Variants in CCDC102B observed in about 807,000 individuals in gnomAD.
The protein encoded by CCDC102B is coiled-coil domain containing 102B.
CCDC102B carries 75 observed loss-of-function variants against 57.4 expected under a neutral mutation model. The ratio of observed to expected loss-of-function variants is 1.31; its 90% CI spans 1.08 to 1.58. The LOEUF is 1.58. CCDC102B is among the 40% of genes most tolerant of loss of function. The probability of loss-of-function intolerance (pLI) is 0.00; values close to 1 mark genes in which losing one functional copy is unlikely to be tolerated. For missense variants in CCDC102B, 636 were observed against 582.6 expected (o/e 1.09, Z -0.94); for synonymous variants, 206 against 201.9 (o/e 1.02, Z -0.17).
At chr18:68,843,435 A>T (rs2144808099) in intron 3 of CCDC102B, among the ~76,000 whole-genome samples, 1 of 152,220 alleles carries the variant, frequency 6.6e-6, no homozygotes. Context: ...CATCTATGAG[A>T]AATATTTGAG....
At chr18:68,792,874 C>A (rs943116257) in intron 2 of CCDC102B, among the ~76,000 whole-genome samples, 17 of 152,134 alleles carry the variant, frequency 1.1e-4, no homozygotes, top group Non-Finnish European at 2.1e-4. Flanking sequence ...TAGACATTTT[C>A]ATAAAAGTGC....
chr18:68,789,180 C>G (rs571044575), intron 2 of CCDC102B, among the ~76,000 whole-genome samples: 117 of 152,168 alleles, frequency 7.7e-4, no homozygotes, highest in African/African-American at 2.7e-3. Context: ...TGGCTTGTAG[C>G]GTTTCTGCCG....
intron 2 of CCDC102B, among the ~76,000 whole-genome samples, chr18:68,790,834 C>T (rs887814165): frequency 6.6e-6 from 1 of 152,228 alleles, no homozygotes; most frequent in African/African-American, 2.4e-5. Context: ...TGTTCCTATT[C>T]AGCCATCTTG....
intron 6 of CCDC102B, among the ~76,000 whole-genome samples, chr18:69,003,464 G>A (rs1379173844): frequency 6.6e-6 from 1 of 152,106 alleles, no homozygotes; most frequent in East Asian, 1.9e-4. Flanking sequence ...AAATTTGGGA[G>A]ATATTTTGTG....
At chr18:68,719,352 C>A (rs145693798) in intron 2 of CCDC102B, among the ~76,000 whole-genome samples, 1 of 152,248 alleles carries the variant, frequency 6.6e-6, no homozygotes, top group Non-Finnish European at 1.5e-5. Context: ...GCTGGAGAAC[C>A]AGAAAGCCAC....
At chr18:68,750,517 C>T (rs1023981447) in intron 2 of CCDC102B, among the ~76,000 whole-genome samples, 3 of 152,060 alleles carry the variant, frequency 2.0e-5, no homozygotes, top group Non-Finnish European at 4.4e-5. Flanking sequence ...TATTGTGGCA[C>T]TATTCACAAT....
At chr18:69,038,955 C>T (rs185904895) in intron 7 of CCDC102B, among the ~76,000 whole-genome samples, 228 of 151,990 alleles carry the variant, frequency 1.5e-3, no homozygotes, top group African/African-American at 5.2e-3. Context: ...TTATTAAATA[C>T]TAATCTTTTC....
intron 2 of CCDC102B, chr18:68,754,105 CAT>C (rs1568233180): frequency 6.6e-6 from 1 of 151,970 alleles, no homozygotes; most frequent in Non-Finnish European, 1.5e-5. Context: ...AACAGAAAAA[CAT>C]ATTATTACTT....
chr18:68,911,925 A>G (rs1056970692), intron 6 of CCDC102B, among the ~76,000 whole-genome samples: 2 of 152,022 alleles, frequency 1.3e-5, no homozygotes, highest in African/African-American at 2.4e-5. Context: ...CAGGAACTAA[A>G]ATGTCAGCAT....
intron 6 of CCDC102B, among the ~76,000 whole-genome samples, chr18:68,961,381 A>G (rs1293785728): frequency 6.6e-6 from 1 of 152,030 alleles, no homozygotes; most frequent in Non-Finnish European, 1.5e-5. Context: ...TATATTTTCA[A>G]TCAAAACTAG....
intron 2 of CCDC102B, among the ~76,000 whole-genome samples, chr18:68,773,767 C>T (rs1159649228): frequency 6.6e-6 from 1 of 151,814 alleles, no homozygotes; most frequent in African/African-American, 2.4e-5. Flanking sequence ...GAAATATAAA[C>T]ATGTTGACTT....
chr18:69,028,432 T>G (rs1056712690), intron 7 of CCDC102B, among the ~76,000 whole-genome samples: 1 of 152,080 alleles, frequency 6.6e-6, no homozygotes, highest in Non-Finnish European at 1.5e-5. Flanking sequence ...GAAAACCATG[T>G]TGGGGAATTT....
At chr18:68,863,819 CA>C (rs1282756514) in intron 4 of CCDC102B, among the ~76,000 whole-genome samples, 1 of 151,758 alleles carries the variant, frequency 6.6e-6, no homozygotes, top group Non-Finnish European at 1.5e-5. Flanking sequence ...CAAAAGCTAC[CA>C]TATTTAGAAC....
intron 2 of CCDC102B, among the ~76,000 whole-genome samples, chr18:68,790,527 C>T (rs918425067): frequency 6.6e-6 from 1 of 152,244 alleles, no homozygotes; most frequent in African/African-American, 2.4e-5. Context: ...GATATAATCT[C>T]GTGGTGCGCC....
chr18:68,890,110 A>G (rs1213008976), intron 5 of CCDC102B, among the ~76,000 whole-genome samples: 1 of 151,788 alleles, frequency 6.6e-6, no homozygotes. Context: ...TCACATTTAT[A>G]TTGCTAATTC....
intron 6 of CCDC102B, among the ~76,000 whole-genome samples, chr18:68,915,397 A>G (rs928730015): frequency 2.6e-5 from 4 of 152,234 alleles, no homozygotes; most frequent in African/African-American, 9.6e-5. Context: ...GCCAGATAGA[A>G]TGAATTCATT....
At chr18:68,892,323 A>G (rs2040108758) in intron 5 of CCDC102B, among the ~76,000 whole-genome samples, 1 of 152,114 alleles carries the variant, frequency 6.6e-6, no homozygotes, top group Admixed American at 6.5e-5. Flanking sequence ...CTGGCTCTCC[A>G]GGTCTGAGAT....
intron 6 of CCDC102B, among the ~76,000 whole-genome samples, chr18:68,986,184 G>A (rs1166906463): frequency 6.6e-6 from 1 of 151,986 alleles, no homozygotes; most frequent in Non-Finnish European, 1.5e-5. Context: ...ACCAAAATCT[G>A]GTAGAGATAC....
At chr18:68,911,543 G>C (rs891443329) in intron 6 of CCDC102B, among the ~76,000 whole-genome samples, 2 of 150,236 alleles carry the variant, frequency 1.3e-5, no homozygotes, top group Admixed American at 6.6e-5. Context: ...ACGAGGTCAG[G>C]AGATCGAGAC....
Sources: allele counts gnomAD v4.1 joint callset (sites outside exome capture counted in the v4.1 genomes callset), GRCh38; gene constraint gnomAD v4.1.1; transcripts MANE v1.5; gene names NCBI Gene and HGNC (gene_info 2026-07-23, HGNC 2026-07-21).